Variants in TIFAB observed in about 807,000 individuals in gnomAD.
TIFAB encodes the protein TRAF-interacting protein with FHA domain-containing protein B.
For synonymous variants in TIFAB, 116 were observed against 95.2 expected (o/e 1.22, Z -1.27); for missense variants, 222 against 203.6 (o/e 1.09, Z -0.55).
Position 135,449,883 on chromosome 5 carries a change from TG to T in TIFAB, c.56del (p.Pro19HisfsTer60). On this transcript the variant is annotated frameshift_variant, in exon 2 of 2. Transcript: ENST00000537858. LOFTEE classifies it low-confidence loss of function (END_TRUNC). ...GTGGTGGGACATTGGCAAAGGCAGA[TG>T]GGCCCAGCGTGGGATGGTACAGGCT... ...RVSLYHPTLG[P>X]SAFANVPPRL... The T allele has an allele frequency of 6.4e-7, 1 of 1,571,556 alleles. No individual in the cohort carries two copies. The highest frequency in any genetic ancestry group is 8.6e-7 in the Non-Finnish European group (1 of 1,156,396).
Position 135,447,065 on chromosome 5 carries a change from T to C in TIFAB, c.*2389A>G, listed in dbSNP as rs773902009. The C allele has an allele frequency of 1.2e-6, 2 of 1,614,052 alleles. No individual in the cohort carries two copies. The highest frequency in any genetic ancestry group is 1.1e-5 in the South Asian group (1 of 91,084). On this transcript the variant is annotated 3_prime_UTR_variant, in exon 2 of 2. Transcript: ENST00000537858. ...GTGTCCAGGTACAGTCTCCAGGCCGTGGCTTCTCGAGTTCTGTATGTGGGT... is the reference window on the plus strand; with the variant it reads ...GTGTCCAGGTACAGTCTCCAGGCCGCGGCTTCTCGAGTTCTGTATGTGGGT...
chr5:135,449,735 C>A lies in TIFAB; in HGVS notation c.205G>T (p.Ala69Ser). ...GCCTTGAGGCAGAAGGCCAGCAGGGCACTGCCTTTCTCCAGGTAGGGCTCC... is the reference window on the plus strand; with the variant it reads ...GCCTTGAGGCAGAAGGCCAGCAGGGAACTGCCTTTCTCCAGGTAGGGCTCC... ...SLEPYLEKGS[A>S]LLAFCLKALS... Residue 69 changes from alanine to serine, a missense_variant, in exon 2 of 2, where the codon GCC (alanine) becomes TCC (serine). Ala to Ser is a moderately conservative substitution (Grantham distance 99). Transcript: ENST00000537858. 6.2e-7 allele frequency: 1 copy of A among 1,614,026 alleles called. No individual in the cohort carries two copies. Among genetic ancestry groups the A allele is most frequent in the Non-Finnish European group, 8.5e-7 (1 of 1,179,972 alleles).
chr5:135,446,893 C>T lies in TIFAB; in HGVS notation c.*2561G>A. The T allele has an allele frequency of 6.2e-7, 1 of 1,613,560 alleles. No individual in the cohort carries two copies. Among genetic ancestry groups the T allele is most frequent in the Non-Finnish European group, 8.5e-7 (1 of 1,179,668 alleles). ...GGACCCCAGCTGGCAAGGTTTTGTTCCTCCCTGGAGGGTAGAGACCCTCAC... is the reference window on the plus strand; with the variant it reads ...GGACCCCAGCTGGCAAGGTTTTGTTTCTCCCTGGAGGGTAGAGACCCTCAC... On this transcript the variant is annotated 3_prime_UTR_variant, in exon 2 of 2. Coordinates refer to ENST00000537858, the MANE Select transcript of TIFAB (RefSeq NM_001099221.2).
chr5:135,450,031 A>G (rs907280566), intron 1 of TIFAB, 82 bp from the exon 2 acceptor site: 18 of 1,475,646 alleles, frequency 1.2e-5, no homozygotes, highest in Admixed American at 2.3e-5. Flanking sequence ...ACACTTGCCC[A>G]CCTCAGGGGC....
chr5:135,449,393 T>G lies in TIFAB; in HGVS notation c.*61A>C. On this transcript the variant is annotated 3_prime_UTR_variant, in exon 2 of 2. Coordinates refer to ENST00000537858, the MANE Select transcript of TIFAB (RefSeq NM_001099221.2). Reference sequence around the variant, plus strand: ...TTCTGTTCCTCCTCCAGGTCTTGGCTGGAGAGGGCTGTCCCAAGTCTGGGA... The same window carrying G: ...TTCTGTTCCTCCTCCAGGTCTTGGCGGGAGAGGGCTGTCCCAAGTCTGGGA... The G allele has an allele frequency of 6.3e-7, 1 of 1,585,642 alleles. No homozygotes were observed.
chr5:135,449,481 CT>C lies in TIFAB; in HGVS notation c.458del (p.Gln153ArgfsTer63). Reference sequence around the variant, plus strand: ...ACCCTGAACCAGGGGGAGGCTGCCCCTGGGAGATGCCTTCCCATTCGTCAGT... The same window carrying C: ...ACCCTGAACCAGGGGGAGGCTGCCCCGGGAGATGCCTTCCCATTCGTCAGT... ...EETDEWEGISQGQPPPGSG is the reference protein window; with the variant it reads ...EETDEWEGISXGQPPPGSG On this transcript the variant is annotated frameshift_variant, in exon 2 of 2. Transcript: ENST00000537858. LOFTEE classifies it low-confidence loss of function (END_TRUNC). 1.2e-6 allele frequency: 2 copies of C among 1,614,102 alleles called. No individual in the cohort carries two copies. The highest frequency in any genetic ancestry group is 1.7e-6 in the Non-Finnish European group (2 of 1,180,034).
intron 1 of TIFAB, 64 bp from the exon 2 acceptor site, chr5:135,450,013 G>T: frequency 6.6e-7 from 1 of 1,504,552 alleles, no homozygotes; most frequent in Non-Finnish European, 8.9e-7. Context: ...GGCTCCCTGA[G>T]CCCAGACACA....
intron 1 of TIFAB, among the ~76,000 whole-genome samples, chr5:135,451,098 C>T (rs796377045): frequency 2.6e-4 from 40 of 152,224 alleles, no homozygotes; most frequent in Admixed American, 2.2e-3. Flanking sequence ...TCTTGCTGCC[C>T]CATGTTCCAC....
intron 1 of TIFAB, among the ~76,000 whole-genome samples, chr5:135,451,523 A>G (rs577900598): frequency 7.0e-6 from 1 of 143,256 alleles, no homozygotes; most frequent in South Asian, 2.2e-4. Context: ...TCACACTGTC[A>G]CCCAGGCTGG....
In TIFAB at chr5:135,445,638, TGTCTGCAAGGAACTTGAG is replaced by T. The variant is rs1769243186; in HGVS notation, c.*3798_*3815del. 1.3e-5 allele frequency: 2 copies of T among 152,360 alleles called. No homozygotes were observed. The highest frequency in any genetic ancestry group is 2.9e-5 in the Non-Finnish European group (2 of 68,140). 9.4% of individuals were successfully genotyped at this position (152,360 alleles called of 1,614,324 possible). Reference sequence around the variant, plus strand: ...ACAAGAGCCAACAACCCATGGCCTTTGTCTGCAAGGAACTTGAGGTCTCACCGGGCAGACAGGCACGGA... The same window carrying T: ...ACAAGAGCCAACAACCCATGGCCTTTGTCTCACCGGGCAGACAGGCACGGA... On this transcript the variant is annotated 3_prime_UTR_variant, in exon 2 of 2. Coordinates refer to ENST00000537858, the MANE Select transcript of TIFAB (RefSeq NM_001099221.2).
Position 135,446,913 on chromosome 5 carries a change from C to A in TIFAB, c.*2541G>T, listed in dbSNP as rs757913601. On this transcript the variant is annotated 3_prime_UTR_variant, in exon 2 of 2. Coordinates refer to ENST00000537858, the MANE Select transcript of TIFAB (RefSeq NM_001099221.2). ...TTGTTCCTCCCTGGAGGGTAGAGAC[C>A]CTCACTGAGGCCCTGGAGAGGGGCA... The A allele has an allele frequency of 6.2e-7, 1 of 1,613,242 alleles. No homozygotes were observed. The highest frequency in any genetic ancestry group is 2.2e-5 in the East Asian group (1 of 44,874).
intron 1 of TIFAB, among the ~76,000 whole-genome samples, chr5:135,451,526 C>T (rs1162822982): frequency 1.3e-5 from 2 of 151,578 alleles, no homozygotes; most frequent in African/African-American, 2.4e-5. Context: ...CACTGTCACC[C>T]AGGCTGGAGT....
rs188907972 is a variant in TIFAB at position 135,449,811 on chromosome 5, G to T, written c.129C>A (p.Asp43Glu). ...GAGGGAGCTGCAGCTGGAGGTGGGC[G>T]TCCTGCCCCCGTCCGAGAAGCAGAG... The part of the protein sequence containing the change: ...TSPLLLGRGQ[D>E]AHLQLQLPRL... Residue 43 changes from aspartate to glutamate, a missense_variant, in exon 2 of 2, where the codon GAC becomes GAA. Asp to Glu is a conservative substitution (Grantham distance 45, BLOSUM62 2). Transcript: ENST00000537858. The T allele has an allele frequency of 6.2e-7, 1 of 1,610,530 alleles. No homozygotes were observed.
chr5:135,450,065 T>A, intron 1 of TIFAB, 116 bp from the exon 2 acceptor site: 1 of 1,375,828 alleles, frequency 7.3e-7, no homozygotes, highest in Non-Finnish European at 9.8e-7. Flanking sequence ...ATACAATCAC[T>A]CTGCCCAAGC....
In TIFAB at chr5:135,447,074, G is replaced by A. The variant is rs577312184; in HGVS notation, c.*2380C>T. 16 of 1,614,020 alleles carry A rather than the reference G, an allele frequency of 9.9e-6. No individual in the cohort carries two copies. The highest frequency in any genetic ancestry group is 2.7e-5 in the African/African-American group (2 of 75,060). ...TACAGTCTCCAGGCCGTGGCTTCTC[G>A]AGTTCTGTATGTGGGTTGCTGCTCC... On this transcript the variant is annotated 3_prime_UTR_variant, in exon 2 of 2. Transcript: ENST00000537858.
Position 135,449,675 on chromosome 5 carries a change from G to A in TIFAB, c.265C>T (p.Leu89=). ...SRKGCVWVNG[L]TLRYLEQVPL... is the part of the protein sequence containing the mutation. ...ACCTGCTCCAGGTACCTCAGCGTCA[G>A]CCCATTGACCCACACACAGCCCTTG... is the stretch of plus-strand genomic sequence containing the variant. The change falls in exon 2 of 2, where the codon CTG becomes TTG. Residue 89 remains leucine (L), a synonymous_variant. Transcript: ENST00000537858. 1.2e-6 allele frequency: 2 copies of A among 1,614,196 alleles called. No homozygotes were observed. The highest frequency in any genetic ancestry group is 1.7e-6 in the Non-Finnish European group (2 of 1,180,048).
chr5:135,450,048 C>G, intron 1 of TIFAB, 99 bp from the exon 2 acceptor site: 1 of 1,441,020 alleles, frequency 6.9e-7, no homozygotes, highest in Non-Finnish European at 9.3e-7. Context: ...GGGCCCTGTG[C>G]CTGTTCATAC....
At position 135,449,314 on chromosome 5, in the gene TIFAB, C is replaced by T. The variant is rs758322777; in HGVS notation, c.*140G>A. 2.9e-5 allele frequency: 36 copies of T among 1,230,104 alleles called. No homozygotes were observed. The highest frequency in any genetic ancestry group is 3.8e-5 in the Non-Finnish European group (34 of 898,062). The allele number at this position is 1,230,104 out of a possible 1,614,324, so 76.2% of individuals were successfully genotyped here. ...CTGTTTCATCTAGCAAAGGCTTGCT[C>T]TAGTGGCAGGGCTAGCAGAGTGCAC... On this transcript the variant is annotated 3_prime_UTR_variant, in exon 2 of 2. Transcript: ENST00000537858.
intron 1 of TIFAB, chr5:135,450,724 T>G (rs1035531867): frequency 3.3e-5 from 5 of 152,222 alleles, no homozygotes; most frequent in African/African-American, 1.2e-4. Context: ...GAACCAAGGG[T>G]TGAGTGGATT....
Sources: allele counts gnomAD v4.1 joint callset (sites outside exome capture counted in the v4.1 genomes callset), GRCh38; gene constraint gnomAD v4.1.1; transcripts MANE v1.5; gene names NCBI Gene and HGNC (gene_info 2026-07-23, HGNC 2026-07-21).